Variants in GPR158 observed in about 807,000 individuals in gnomAD.
The protein encoded by GPR158 is G protein-coupled receptor 158.
GPR158 carries 30 observed loss-of-function variants against 78.2 expected under a neutral mutation model. The observed-to-expected ratio is 0.38, with a 90% CI of 0.29 to 0.52. The LOEUF is 0.52. Ranked by LOEUF, GPR158 falls within the 20% of genes least tolerant of loss-of-function variation. GPR158 has a pLI of 0.83. For missense variants in GPR158, 1,463 were observed against 1,523.5 expected (o/e 0.96, Z 0.66); for synonymous variants, 581 against 591.1 (o/e 0.98, Z 0.25).
chr10:25,292,166 T>A (rs1181629621), intron 2 of GPR158, among the ~76,000 whole-genome samples: 1 of 151,672 alleles, frequency 6.6e-6, no homozygotes, highest in Admixed American at 6.6e-5. Flanking sequence ...AATTGGTTTA[T>A]AAAATAATAG....
chr10:25,443,828 C>T (rs1209559190), intron 4 of GPR158, among the ~76,000 whole-genome samples: 2 of 151,972 alleles, frequency 1.3e-5, no homozygotes, highest in African/African-American at 2.4e-5. Context: ...GTAGTCAGCT[C>T]CTGTTTCTTC....
rs188698527 is a variant in GPR158, at chr10:25,598,439, A to T, written c.2813A>T (p.Asp938Val). The change falls in exon 11 of 11, where the codon GAT (aspartate) becomes GTT (valine). Residue 938 changes from aspartate (D) to valine (V), a missense_variant. Transcript: ENST00000376351. The part of the protein sequence containing the change: ...RTKSQKPLPK[D>V]KETNRNHSNS... ...AAATCCCAGAAACCTTTGCCAAAAG[A>T]TAAAGAGACAAACAGAAATCACTCA... 1 of 1,614,144 alleles carries T rather than the reference A, an allele frequency of 6.2e-7. No individual in the cohort carries two copies. Among genetic ancestry groups the T allele is most frequent in the Non-Finnish European group, 8.5e-7 (1 of 1,180,024 alleles).
At chr10:25,559,672 CTAA>C (rs1374458210) in intron 6 of GPR158, among the ~76,000 whole-genome samples, 2 of 152,048 alleles carry the variant, frequency 1.3e-5, no homozygotes, top group African/African-American at 2.4e-5. Flanking sequence ...TATTATAATC[CTAA>C]TGTTATAAAA....
intron 2 of GPR158, among the ~76,000 whole-genome samples, chr10:25,306,619 T>C (rs1226525567): frequency 1.3e-5 from 2 of 152,222 alleles, no homozygotes; most frequent in Non-Finnish European, 2.9e-5. Context: ...TATCTTTCCA[T>C]ATGCTAAATC....
chr10:25,196,060 A>C (rs762462981), intron 1 of GPR158, among the ~76,000 whole-genome samples: 4 of 151,874 alleles, frequency 2.6e-5, no homozygotes, highest in African/African-American at 9.7e-5. Flanking sequence ...TATTGATTAC[A>C]CTTGCCATTT....
At chr10:25,460,452 C>A (rs1023955643) in intron 4 of GPR158, among the ~76,000 whole-genome samples, 1 of 152,160 alleles carries the variant, frequency 6.6e-6, no homozygotes, top group Non-Finnish European at 1.5e-5. Flanking sequence ...ACCTCGGCCT[C>A]CCTAAGTGCT....
chr10:25,378,914 C>T lies in GPR158; in HGVS notation c.1009-16997C>T, dbSNP rs985580854. On this transcript the variant is annotated intron_variant, in intron 2 of 10. Coordinates refer to ENST00000376351, the MANE Select transcript of GPR158 (RefSeq NM_020752.3). ...TCAAATGATCCTCCTACTTCAGCCC[C>T]GAGTAGCTGGAACGACAGACATGTA... Among the ~76,000 whole-genome samples the T allele has an allele frequency of 3.3e-5, 5 of 152,062 alleles. No homozygotes were observed. The South Asian group carries it at 6.2e-4, about 19-fold the overall frequency.
At chr10:25,310,346 TG>T (rs1224432460) in intron 2 of GPR158, among the ~76,000 whole-genome samples, 1 of 152,172 alleles carries the variant, frequency 6.6e-6, no homozygotes, top group African/African-American at 2.4e-5. Flanking sequence ...CCTCCAAGTT[TG>T]TTCTTTTTCG....
chr10:25,549,253 G>C (rs1012032578), intron 5 of GPR158, among the ~76,000 whole-genome samples: 33 of 152,002 alleles, frequency 2.2e-4, no homozygotes, highest in African/African-American at 7.7e-4. Context: ...TTCTGTCAAG[G>C]TTTCTCCATT....
chr10:25,437,881 A>G (rs1315152277), intron 4 of GPR158, among the ~76,000 whole-genome samples: 4 of 152,194 alleles, frequency 2.6e-5, no homozygotes, highest in African/African-American at 9.6e-5. Flanking sequence ...ATTGAAGGAC[A>G]TTTCATCTTT....
At chr10:25,558,598 T>C (rs7922752) in intron 6 of GPR158, among the ~76,000 whole-genome samples, 83,381 of 151,950 alleles carry the variant, frequency 0.55, 24,473 homozygotes, top group African/African-American at 0.76. Context: ...GCTGCACCCA[T>C]GATTTCTGTG....
Position 25,461,656 on chromosome 10 carries a change from G to A in GPR158, c.1336-4995G>A, listed in dbSNP as rs143886754. The stretch of plus-strand genomic sequence containing the variant: ...AGATCTAGCTAAGATCATCAATGAA[G>A]GTAGCTACATGAAACAACAGATTTT... On this transcript the variant is annotated intron_variant, in intron 4 of 10. Coordinates refer to ENST00000376351, the MANE Select transcript of GPR158 (RefSeq NM_020752.3). 3.0e-3 allele frequency among the ~76,000 whole-genome samples: 453 copies of A among 152,164 alleles called. 3 individuals are homozygous for A. The highest frequency in any genetic ancestry group is 4.6e-3 in the Non-Finnish European group (310 of 68,000).
intron 5 of GPR158, among the ~76,000 whole-genome samples, chr10:25,490,745 A>G (rs567819094): frequency 5.6e-4 from 83 of 148,386 alleles, no homozygotes; most frequent in African/African-American, 1.9e-3. Context: ...TAATGCCGCA[A>G]TAAACATATG....
intron 5 of GPR158, among the ~76,000 whole-genome samples, chr10:25,470,599 A>G (rs16925930): frequency 0.025 from 3,776 of 152,276 alleles, 166 homozygotes; most frequent in African/African-American, 0.086. Flanking sequence ...TAAGTTTTCT[A>G]ATTTTCTAGC....
At chr10:25,538,214 C>CGTT (rs34703501) in intron 5 of GPR158, among the ~76,000 whole-genome samples, 47,511 of 151,248 alleles carry the variant, frequency 0.31, 8,574 homozygotes, top group Non-Finnish European at 0.42. Flanking sequence ...TCAGATTTGC[C>CGTT]GTTGTTGTTG....
chr10:25,221,888 T>C (rs1853304014), intron 2 of GPR158, among the ~76,000 whole-genome samples: 1 of 152,192 alleles, frequency 6.6e-6, no homozygotes, highest in Admixed American at 6.5e-5. Flanking sequence ...TAGTCCAACA[T>C]TGATTCCATG....
chr10:25,515,292 T>A (rs971141719), intron 5 of GPR158, among the ~76,000 whole-genome samples: 1 of 152,128 alleles, frequency 6.6e-6, no homozygotes, highest in African/African-American at 2.4e-5. Flanking sequence ...TAGCTGAGAC[T>A]TTCCAGTGCA....
At chr10:25,562,304 T>C (rs963583646) in intron 6 of GPR158, among the ~76,000 whole-genome samples, 1 of 152,172 alleles carries the variant, frequency 6.6e-6, no homozygotes, top group African/African-American at 2.4e-5. Context: ...TCAATTATTT[T>C]CACTCTAATA....
intron 5 of GPR158, among the ~76,000 whole-genome samples, chr10:25,476,507 C>A (rs1042780710): frequency 8.2e-6 from 1 of 122,472 alleles, no homozygotes. Context: ...TCCTCCCTAC[C>A]CCGGTCTTAT....
Sources: allele counts gnomAD v4.1 joint callset (sites outside exome capture counted in the v4.1 genomes callset), GRCh38; gene constraint gnomAD v4.1.1; transcripts MANE v1.5; gene names NCBI Gene and HGNC (gene_info 2026-07-23, HGNC 2026-07-21).